RNF152: variants seen among roughly 807,000 people sequenced by gnomAD.
RNF152 encodes the protein ring finger protein 152, also known as E3 ubiquitin-protein ligase RNF152.
Under a neutral mutation model 12.7 loss-of-function variants are expected in RNF152, and 11 were observed. The observed-to-expected ratio is 0.86, with a 90% confidence interval of 0.54 to 1.43. RNF152 has a LOEUF of 1.43. Among genes scored for constraint, RNF152 ranks in the 40% most tolerant of loss-of-function variants. The pLI is 0.00. For missense variants in RNF152, 255 were observed against 274.8 expected, an observed-to-expected ratio of 0.93 and a Z score of 0.51; for synonymous variants, 113 against 120.3, an observed-to-expected ratio of 0.94 and a Z score of 0.40.
intron 1 of RNF152, among the ~76,000 whole-genome samples, chr18:61,851,090 T>TAA (rs529714042): frequency 0.055 from 6,973 of 126,232 alleles, 599 homozygotes; most frequent in African/African-American, 0.19. Context: ...CCACAATGAT[T>TAA]AAAAAAAAAA....
chr18:61,838,694 G>A (rs1190896226), intron 1 of RNF152, among the ~76,000 whole-genome samples: 1 of 152,110 alleles, frequency 6.6e-6, no homozygotes, highest in Non-Finnish European at 1.5e-5. Context: ...TTATCAGGAT[G>A]GCACTAGAGG....
At chr18:61,863,835 G>C (rs912199262) in intron 1 of RNF152, among the ~76,000 whole-genome samples, 1 of 152,202 alleles carries the variant, frequency 6.6e-6, no homozygotes, top group African/African-American at 2.4e-5. Context: ...GAGCCAGGGC[G>C]GAGTGGCAGG....
At chr18:61,850,184 A>G (rs979040446) in intron 1 of RNF152, among the ~76,000 whole-genome samples, 4 of 152,246 alleles carry the variant, frequency 2.6e-5, no homozygotes, top group African/African-American at 9.6e-5. Context: ...GAACGTGGGC[A>G]AGTTATCTAA....
At chr18:61,844,231 C>CGGGAGGAGGGAGAT (rs1910648492) in intron 1 of RNF152, among the ~76,000 whole-genome samples, 1 of 74,454 alleles carries the variant, frequency 1.3e-5, no homozygotes, top group African/African-American at 5.7e-5. Context: ...AGGAGGGAGA[C>CGGGAGGAGGGAGAT]GGGAGGGGAG....
rs1228282331 is a variant in RNF152 at position 61,811,692 on chromosome 18, A to G, written c.*4160T>C. On this transcript the variant is annotated 3_prime_UTR_variant, in exon 2 of 2. Transcript: ENST00000312828. The stretch of plus-strand genomic sequence containing the variant: ...ATATTTGCACCTTACTAATACAGCA[A>G]TGAAGTTTGGATAGGATACTGGAAG... 6.6e-6 allele frequency: 1 copy of G among 152,190 alleles called. No homozygotes were observed. The highest frequency in any genetic ancestry group is 2.4e-5 in the African/African-American group (1 of 41,448). 9.4% of individuals were successfully genotyped at this position (152,190 alleles called of 1,614,324 possible).
upstream of RNF152, chr18:61,893,687 G>A (rs1913070663): frequency 2.0e-5 from 3 of 152,532 alleles, no homozygotes; most frequent in Non-Finnish European, 4.4e-5. Context: ...CGAGACAAGG[G>A]GACCGGGAGA....
At chr18:61,841,584 G>A (rs1210980134) in intron 1 of RNF152, among the ~76,000 whole-genome samples, 2 of 152,128 alleles carry the variant, frequency 1.3e-5, no homozygotes, top group East Asian at 1.9e-4. Context: ...TTAACTTTGG[G>A]GGGTTACAAG....
Position 61,816,279 on chromosome 18 carries a change from G to A in RNF152, c.185C>T (p.Pro62Leu), listed in dbSNP as rs1194423933. The A allele has an allele frequency of 6.2e-7, 1 of 1,614,120 alleles. No homozygotes were observed. The highest frequency in any genetic ancestry group is 8.5e-7 in the Non-Finnish European group (1 of 1,180,056). ...PWCRGVTKLP[P>L]GFSVSQLPDD... ...CGGGAGCTGCGACACGGAGAAGCCG[G>A]GAGGCAGCTTGGTGACACCGCGGCA... The change falls in exon 2 of 2, where the codon CCC (proline) becomes CTC (leucine). Residue 62 changes from proline (P) to leucine (L), a missense_variant. Pro to Leu is a moderately conservative substitution (Grantham distance 98, BLOSUM62 -3). Transcript: ENST00000312828.
chr18:61,872,833 A>G (rs538240329), intron 1 of RNF152, among the ~76,000 whole-genome samples: 1 of 152,328 alleles, frequency 6.6e-6, no homozygotes, highest in African/African-American at 2.4e-5. Context: ...AAAGTACACC[A>G]TGACTGAAAT....
chr18:61,880,913 CTT>C (rs71179000), intron 1 of RNF152, among the ~76,000 whole-genome samples: 4,037 of 131,720 alleles, frequency 0.031, 146 homozygotes, highest in African/African-American at 0.11. Flanking sequence ...CTCTAGTTTT[CTT>C]TTTTTTTTTT....
Position 61,809,325 on chromosome 18 carries a change from T to C in RNF152, c.*6527A>G, listed in dbSNP as rs148323240. The C allele has an allele frequency of 7.3e-4, 111 of 152,288 alleles. 1 individual carries two copies. Among genetic ancestry groups the C allele is most frequent in the African/African-American group, 2.4e-3 (99 of 41,546 alleles). 9.4% of individuals were successfully genotyped at this position (152,288 alleles called of 1,614,324 possible). On this transcript the variant is annotated 3_prime_UTR_variant, in exon 2 of 2. Coordinates refer to ENST00000312828, the MANE Select transcript of RNF152 (RefSeq NM_173557.3). The stretch of plus-strand genomic sequence containing the variant: ...AAGCACAGTGTAAGGTACCAGCTAC[T>C]GTGTTCTCCCACTATTTAACAGAGG...
At chr18:61,821,761 C>G (rs963110582) in intron 1 of RNF152, among the ~76,000 whole-genome samples, 2 of 152,320 alleles carry the variant, frequency 1.3e-5, no homozygotes, top group African/African-American at 4.8e-5. Flanking sequence ...CCCGTCAGAT[C>G]AGCGATGGCA....
intron 1 of RNF152, among the ~76,000 whole-genome samples, chr18:61,886,095 G>A (rs1420783474): frequency 7.0e-6 from 1 of 142,286 alleles, no homozygotes; most frequent in African/African-American, 2.6e-5. Flanking sequence ...GACCCTCATT[G>A]AGAACATTCA....
intron 1 of RNF152, among the ~76,000 whole-genome samples, chr18:61,823,246 G>A (rs1191540550): frequency 6.6e-6 from 1 of 152,184 alleles, no homozygotes; most frequent in Non-Finnish European, 1.5e-5. Flanking sequence ...GAGCATCCTG[G>A]TTTGCTGTAT....
intron 1 of RNF152, among the ~76,000 whole-genome samples, chr18:61,832,453 T>G (rs557428353): frequency 1.3e-5 from 2 of 152,312 alleles, no homozygotes; most frequent in African/African-American, 2.4e-5. Context: ...AAAACTGCTA[T>G]CCTAATTCAG....
At chr18:61,889,060 G>A (rs1303327356) in intron 1 of RNF152, among the ~76,000 whole-genome samples, 1 of 152,126 alleles carries the variant, frequency 6.6e-6, no homozygotes, top group East Asian at 1.9e-4. Context: ...CCAACCCCAG[G>A]CACCCTGAAT....
intron 1 of RNF152, among the ~76,000 whole-genome samples, chr18:61,860,684 T>A (rs1041132242): frequency 1.3e-5 from 2 of 152,246 alleles, no homozygotes; most frequent in African/African-American, 4.8e-5. Flanking sequence ...CTCCTACTTA[T>A]TTCTTTTAAG....
rs1909004253 is a variant in RNF152, at chr18:61,815,211, T to C, written c.*641A>G. 1 of 152,678 alleles carries C rather than the reference T, an allele frequency of 6.5e-6. No homozygotes were observed. The highest frequency in any genetic ancestry group is 1.5e-5 in the Non-Finnish European group (1 of 68,046). The allele number at this position is 152,678 out of a possible 1,614,324, so 9.5% of individuals were successfully genotyped here. The stretch of plus-strand genomic sequence containing the variant: ...AGTTCCATAAACACGTAGCAAGCTC[T>C]AATTACAAGTGAAGAAAATGAAGGT... On this transcript the variant is annotated 3_prime_UTR_variant, in exon 2 of 2. Coordinates refer to ENST00000312828, the MANE Select transcript of RNF152 (RefSeq NM_173557.3).
chr18:61,846,410 A>C (rs1216182315), intron 1 of RNF152, among the ~76,000 whole-genome samples: 1 of 152,088 alleles, frequency 6.6e-6, no homozygotes, highest in East Asian at 1.9e-4. Flanking sequence ...CATCTCATTC[A>C]ATCTCATCGC....
Sources: gnomAD v4.1 joint callset for allele counts (sites outside exome capture counted in the v4.1 genomes callset) on GRCh38, gnomAD v4.1.1 for gene constraint, MANE v1.5 for transcripts, NCBI Gene and HGNC (gene_info 2026-07-23, HGNC 2026-07-21) for gene names.